PDE8B: variants seen among roughly 807,000 people sequenced by gnomAD.
The protein encoded by PDE8B is phosphodiesterase 8B, also known as high affinity cAMP-specific and IBMX-insensitive 3',5'-cyclic phosphodiesterase 8B.
Under a neutral mutation model 101.3 loss-of-function variants are expected in PDE8B, and 26 were observed. The ratio of observed to expected loss-of-function variants is 0.26; its 90% CI spans 0.19 to 0.36. PDE8B has a LOEUF of 0.36. PDE8B is among the 10% of genes least tolerant of loss of function. The probability of loss-of-function intolerance (pLI) is 1.00; values close to 1 mark genes in which losing one functional copy is unlikely to be tolerated. For missense variants in PDE8B, 810 were observed against 1,163.1 expected (o/e 0.70, Z 4.42); for synonymous variants, 424 against 429.3 (o/e 0.99, Z 0.15).
the PDE8B span, among the ~76,000 whole-genome samples, chr5:77,109,661 G>C: frequency 2.0e-5 from 3 of 152,196 alleles, no homozygotes; most frequent in African/African-American, 7.2e-5. Context: ...TGCTGGCAAA[G>C]CCAGGTACAA....
At chr5:77,306,959 T>C (rs1333583955) in intron 1 of PDE8B, among the ~76,000 whole-genome samples, 1 of 152,224 alleles carries the variant, frequency 6.6e-6, no homozygotes, top group African/African-American at 2.4e-5. Flanking sequence ...TAGTTTTTGC[T>C]AAATCTCTGT....
At chr5:77,352,881 G>A (rs1482708367) in intron 9 of PDE8B, among the ~76,000 whole-genome samples, 1 of 152,156 alleles carries the variant, frequency 6.6e-6, no homozygotes, top group Non-Finnish European at 1.5e-5. Flanking sequence ...ATTTTTATCT[G>A]CCTGAGAAGT....
the PDE8B span, among the ~76,000 whole-genome samples, chr5:77,183,370 G>A: frequency 3.3e-5 from 5 of 152,120 alleles, no homozygotes; most frequent in South Asian, 2.1e-4. Flanking sequence ...CACCCGCCTC[G>A]GCCTCCCAAA....
chr5:77,169,841 C>T, the PDE8B span, among the ~76,000 whole-genome samples: 1 of 152,182 alleles, frequency 6.6e-6, no homozygotes, highest in Admixed American at 6.5e-5. Flanking sequence ...CTGTGCCGAC[C>T]CTGTGGATAG....
chr5:77,214,523 T>C (rs1051466885), intron 1 of PDE8B, among the ~76,000 whole-genome samples: 4 of 152,184 alleles, frequency 2.6e-5, no homozygotes, highest in Admixed American at 6.5e-5. Flanking sequence ...TCCTGTAAAA[T>C]GGTGTGCCTA....
chr5:77,102,541 A>G, the PDE8B span, among the ~76,000 whole-genome samples: 1 of 152,332 alleles, frequency 6.6e-6, no homozygotes, highest in South Asian at 2.1e-4. Context: ...GGCAGGAGCT[A>G]GGAAGCGTTG....
the PDE8B span, among the ~76,000 whole-genome samples, chr5:77,097,730 TATAC>T: frequency 2.0e-4 from 13 of 64,768 alleles, no homozygotes; most frequent in African/African-American, 3.4e-4. Flanking sequence ...TATATATATA[TATAC>T]ATACATATGA....
the PDE8B span, among the ~76,000 whole-genome samples, chr5:77,130,477 A>G: frequency 2.0e-5 from 3 of 152,132 alleles, no homozygotes; most frequent in South Asian, 4.1e-4. Flanking sequence ...TAGAACACTT[A>G]TTTTCTTCCA....
chr5:77,358,501 A>G, intron 10 of PDE8B: 1 of 923,782 alleles, frequency 1.1e-6, no homozygotes, highest in Non-Finnish European at 1.3e-6. Context: ...GCCTCTTCGT[A>G]CTTCCTCCTA....
intron 20 of PDE8B, among the ~76,000 whole-genome samples, chr5:77,424,529 C>CTAAT (rs1797490161): frequency 6.6e-6 from 1 of 152,182 alleles, no homozygotes; most frequent in South Asian, 2.1e-4. Flanking sequence ...AGCTGCAAGG[C>CTAAT]TAATACCCAA....
intron 1 of PDE8B, among the ~76,000 whole-genome samples, chr5:77,284,876 A>G (rs1345656719): frequency 6.6e-6 from 1 of 152,184 alleles, no homozygotes; most frequent in Non-Finnish European, 1.5e-5. Context: ...GTTAATGGAC[A>G]TTTGAGATGT....
chr5:77,246,391 C>G (rs553990972), intron 1 of PDE8B, among the ~76,000 whole-genome samples: 65 of 152,234 alleles, frequency 4.3e-4, no homozygotes, highest in African/African-American at 1.5e-3. Context: ...AAGGGCAGAG[C>G]CTGACTTATG....
At chr5:77,385,820 T>C (rs1206819322) in intron 10 of PDE8B, among the ~76,000 whole-genome samples, 1 of 115,742 alleles carries the variant, frequency 8.6e-6, no homozygotes, top group Non-Finnish European at 1.7e-5. Context: ...TTTTTTGAGA[T>C]GGAATCTTGC....
At chr5:77,107,186 A>T in the PDE8B span, among the ~76,000 whole-genome samples, 1 of 152,208 alleles carries the variant, frequency 6.6e-6, no homozygotes, top group Non-Finnish European at 1.5e-5. Context: ...TTTGCTGAGA[A>T]TGATGGTTTC....
At chr5:77,278,091 C>A (rs1764196600) in intron 1 of PDE8B, among the ~76,000 whole-genome samples, 1 of 152,114 alleles carries the variant, frequency 6.6e-6, no homozygotes, top group African/African-American at 2.4e-5. Flanking sequence ...TTTCCTGGGA[C>A]CATCGCTGGG....
intron 1 of PDE8B, among the ~76,000 whole-genome samples, chr5:77,216,714 G>A (rs569198808): frequency 6.6e-5 from 10 of 152,300 alleles, no homozygotes; most frequent in African/African-American, 2.4e-4. Flanking sequence ...GCCTTCAGGA[G>A]TGGACAGGGA....
intron 10 of PDE8B, among the ~76,000 whole-genome samples, chr5:77,376,382 T>A (rs147412099): frequency 6.6e-6 from 1 of 152,354 alleles, no homozygotes; most frequent in Non-Finnish European, 1.5e-5. Flanking sequence ...GAGCTTTATC[T>A]CTTGTTCTCA....
the PDE8B span, among the ~76,000 whole-genome samples, chr5:77,117,536 A>C: frequency 6.6e-6 from 1 of 151,770 alleles, no homozygotes; most frequent in Non-Finnish European, 1.5e-5. Context: ...GGGACAGGGT[A>C]AGGAGTGGAG....
intron 1 of PDE8B, among the ~76,000 whole-genome samples, chr5:77,271,491 T>A (rs138916737): frequency 6.6e-6 from 1 of 152,196 alleles, no homozygotes; most frequent in Non-Finnish European, 1.5e-5. Context: ...AAATTTCAGG[T>A]TGAACTGTGG....
Sources: gnomAD v4.1 joint callset for allele counts (sites outside exome capture counted in the v4.1 genomes callset) on GRCh38, gnomAD v4.1.1 for gene constraint, MANE v1.5 for transcripts, NCBI Gene and HGNC (gene_info 2026-07-23, HGNC 2026-07-21) for gene names.